The following TECPR2 variants were observed in gnomAD, a reference collection of about 807,000 sequenced individuals.
TECPR2 encodes the protein tectonin beta-propeller repeat containing 2.
TECPR2 carries 65 observed loss-of-function variants against 138.1 expected under a neutral mutation model. The observed-to-expected ratio is 0.47, with a 90% CI of 0.39 to 0.58. The LOEUF is 0.58. TECPR2 is among the 20% of genes least tolerant of loss of function. The pLI, the probability that TECPR2 is intolerant of heterozygous loss-of-function variation, is 0.00. For synonymous variants in TECPR2, 746 were observed against 749.8 expected, an observed-to-expected ratio of 0.99 and a Z score of 0.08; for missense variants, 1,553 against 1,824.5, an observed-to-expected ratio of 0.85 and a Z score of 2.71.
chr14:102,473,825 G>A (rs551088202), intron 17 of TECPR2, among the ~76,000 whole-genome samples: 2 of 152,266 alleles, frequency 1.3e-5, no homozygotes, highest in East Asian at 3.9e-4. Flanking sequence ...TACCTCTAAC[G>A]CAAGCATAGT....
intron 1 of TECPR2, 25 bp downstream of exon 1, chr14:102,363,141 G>GCCCCGACGCCCCCGACGC (rs3831043): frequency 1.1e-5 from 4 of 361,790 alleles, no homozygotes; most frequent in African/African-American, 2.1e-5. Context: ...GCCGCAAGCG[G>GCCCCGACGCCCCCGACGC]CCCCGACGCC....
At chr14:102,445,690 G>T in intron 12 of TECPR2, 116 bp from the exon 13 acceptor site, 1 of 1,349,692 alleles carries the variant, frequency 7.4e-7, no homozygotes, top group Non-Finnish European at 1.0e-6. Context: ...TCCGCTCCAG[G>T]GCCACGTCTC....
chr14:102,410,636 G>GATCC, intron 4 of TECPR2, among the ~76,000 whole-genome samples: 1 of 152,012 alleles, frequency 6.6e-6, no homozygotes, highest in African/African-American at 2.4e-5. Flanking sequence ...CTCCTGTATG[G>GATCC]ATACTCCTTT....
In TECPR2 at chr14:102,431,910, G is replaced by T. The variant is rs902506890; in HGVS notation, c.1199G>T (p.Ser400Ile). Residue 400 changes from serine to isoleucine, a missense_variant, in exon 8 of 20, where the codon AGC (serine) becomes ATC (isoleucine). Ser to Ile is a moderately radical substitution (Grantham distance 142). Transcript: ENST00000359520. ...AGGCTCAGAGGCTCTTCCATGGCCA[G>T]CTCCGTGGCCAGCGAGCCAAGGAGC... Reference protein sequence around the residue: ...ETRLRGSSMASSVASEPRSRS... With the variant: ...ETRLRGSSMAISVASEPRSRS... 2 of 1,610,970 alleles carry T rather than the reference G, an allele frequency of 1.2e-6. No homozygotes were observed. The highest frequency in any genetic ancestry group is 1.7e-6 in the Non-Finnish European group (2 of 1,177,854).
At chr14:102,436,572 G>A (rs1278086780) in intron 9 of TECPR2, among the ~76,000 whole-genome samples, 2 of 152,106 alleles carry the variant, frequency 1.3e-5, no homozygotes, top group Non-Finnish European at 2.9e-5. Context: ...TGCCTGCCTC[G>A]GCTTCCCAAA....
chr14:102,476,689 A>G (rs546717160), intron 17 of TECPR2, among the ~76,000 whole-genome samples: 1 of 152,190 alleles, frequency 6.6e-6, no homozygotes, highest in Non-Finnish European at 1.5e-5. Flanking sequence ...TACAACTGAA[A>G]GTTGTCCAAA....
chr14:102,398,280 G>A (rs969214370), intron 2 of TECPR2, among the ~76,000 whole-genome samples: 1 of 152,062 alleles, frequency 6.6e-6, no homozygotes, highest in Non-Finnish European at 1.5e-5. Flanking sequence ...CAGTGAATTT[G>A]AAGATAAGAT....
At chr14:102,381,584 T>C (rs1020099127) in intron 2 of TECPR2, among the ~76,000 whole-genome samples, 2 of 151,890 alleles carry the variant, frequency 1.3e-5, no homozygotes, top group Non-Finnish European at 2.9e-5. Flanking sequence ...AAAAATAAAA[T>C]GAAGTTCTGA....
rs1286668824 is a variant in TECPR2 at position 102,498,929 on chromosome 14, CCTCACCACAT to C, written c.*682_*691del. 19 of 691,970 alleles carry C rather than the reference CCTCACCACAT, an allele frequency of 2.7e-5. No homozygotes were observed. The highest frequency in any genetic ancestry group is 7.5e-5 in the South Asian group (5 of 66,620). The allele number at this position is 691,970 out of a possible 1,614,324, so 42.9% of individuals were successfully genotyped here. Reference sequence around the variant, plus strand: ...CCACACCACACCGCACTGCACCATACCTCACCACATCTCACCACACCACAGCACACCTCAC... The same window carrying C: ...CCACACCACACCGCACTGCACCATACCTCACCACACCACAGCACACCTCAC... On this transcript the variant is annotated 3_prime_UTR_variant, in exon 20 of 20. Transcript: ENST00000359520.
At chr14:102,437,023 A>T (rs1889687448) in intron 9 of TECPR2, 7 of 985,070 alleles carry the variant, frequency 7.1e-6, no homozygotes, top group Non-Finnish European at 8.4e-6. Flanking sequence ...TCCTCATCCC[A>T]CTCCAGGTAG....
At chr14:102,426,436 C>T (rs571137522) in intron 6 of TECPR2, among the ~76,000 whole-genome samples, 7 of 152,164 alleles carry the variant, frequency 4.6e-5, no homozygotes, top group African/African-American at 1.2e-4. Context: ...CTTACCCTCC[C>T]GACTCCTCAC....
At position 102,420,682 on chromosome 14, in the gene TECPR2, GCTGT is replaced by G. The variant is rs1889155951; in HGVS notation, c.639-4296_639-4293del. On this transcript the variant is annotated intron_variant, in intron 5 of 19. Transcript: ENST00000359520. This position sits in a 1 kb window ranked among gnomAD's most constrained non-coding sequence, Gnocchi z 4.1. ...GATGGTGTCTCTCTAGGTCACCCAGGCTGTTGTCAAACTCCTGGGCTCAAGCAGT... is the reference window on the plus strand; with the variant it reads ...GATGGTGTCTCTCTAGGTCACCCAGGTGTCAAACTCCTGGGCTCAAGCAGT... 6.6e-6 allele frequency among the ~76,000 whole-genome samples: 1 copy of G among 152,032 alleles called. No homozygotes were observed. Among genetic ancestry groups the G allele is most frequent in the African/African-American group, 2.4e-5 (1 of 41,394 alleles).
At chr14:102,453,301 C>A (rs1890193567) in intron 16 of TECPR2, among the ~76,000 whole-genome samples, 1 of 151,948 alleles carries the variant, frequency 6.6e-6, no homozygotes, top group Admixed American at 6.6e-5. Flanking sequence ...CATGGTGACA[C>A]CCTGTCTCTA....
At chr14:102,414,570 G>A (rs1888970259) in intron 4 of TECPR2, 66 bp from the exon 5 acceptor site, 1 of 1,591,382 alleles carries the variant, frequency 6.3e-7, no homozygotes, top group Non-Finnish European at 8.6e-7. Flanking sequence ...ACACTGACTT[G>A]TCCTAAGGGA....
At chr14:102,394,152 A>G (rs1478757761) in intron 2 of TECPR2, among the ~76,000 whole-genome samples, 1 of 152,092 alleles carries the variant, frequency 6.6e-6, no homozygotes, top group Non-Finnish European at 1.5e-5. Flanking sequence ...AGTTTCCCTC[A>G]TTCTCCTTCC....
chr14:102,477,922 G>A (rs186590801), intron 17 of TECPR2, among the ~76,000 whole-genome samples: 4,044 of 106,166 alleles, frequency 0.038, 99 homozygotes, highest in Middle Eastern at 0.074. Flanking sequence ...GTGACAGAGC[G>A]AGACTCCGTC....
chr14:102,465,173 A>T lies in TECPR2; in HGVS notation c.3673A>T (p.Asn1225Tyr), dbSNP rs1403800533. The T allele has an allele frequency of 6.2e-7, 1 of 1,614,110 alleles. No homozygotes were observed. The highest frequency in any genetic ancestry group is 2.2e-5 in the East Asian group (1 of 44,898). ...AVKLTSLACG[N>Y]QHIWACDSRG... ...AAAATTGACAAGCTTGGCATGTGGA[A>T]ATCAGCACATCTGGGCCTGTGATTC... Residue 1225 changes from asparagine to tyrosine, a missense_variant, in exon 17 of 20, where the codon AAT (asparagine) becomes TAT (tyrosine). Coordinates refer to ENST00000359520, the MANE Select transcript of TECPR2 (RefSeq NM_014844.5).
chr14:102,432,311 A>ACC (rs201044591), intron 8 of TECPR2, among the ~76,000 whole-genome samples, 183 bp downstream of exon 8: 110 of 152,182 alleles, frequency 7.2e-4, no homozygotes, highest in African/African-American at 2.5e-3. Flanking sequence ...ACACACACAC[A>ACC]CACACACACA....
chr14:102,365,631 T>C (rs1887326691), intron 1 of TECPR2, among the ~76,000 whole-genome samples: 1 of 152,194 alleles, frequency 6.6e-6, no homozygotes, highest in Non-Finnish European at 1.5e-5. Context: ...AAATACCACA[T>C]ATTATATGAT....
Sources: allele counts gnomAD v4.1 joint callset (sites outside exome capture counted in the v4.1 genomes callset), GRCh38; gene constraint gnomAD v4.1.1; non-coding constraint Gnocchi (gnomAD v3.1); transcripts MANE v1.5; gene names NCBI Gene and HGNC (gene_info 2026-07-23, HGNC 2026-07-21).